The following NXPH1 variants were observed in gnomAD, a reference collection of about 807,000 sequenced individuals.
The protein encoded by NXPH1 is neurexophilin-1.
NXPH1 carries 5 observed loss-of-function variants against 23.7 expected under a neutral mutation model. The ratio of observed to expected loss-of-function variants is 0.21; its 90% CI spans 0.11 to 0.44. NXPH1 has a LOEUF of 0.44. Ranked by LOEUF, NXPH1 falls within the 20% of genes least tolerant of loss-of-function variation. The pLI is 0.99. For synonymous variants in NXPH1, 144 were observed against 122.2 expected, an observed-to-expected ratio of 1.18 and a Z score of -1.18; for missense variants, 324 against 321.6, an observed-to-expected ratio of 1.01 and a Z score of -0.06.
intron 2 of NXPH1, among the ~76,000 whole-genome samples, chr7:8,574,615 T>C (rs1419631313): frequency 1.3e-5 from 2 of 152,184 alleles, no homozygotes; most frequent in Non-Finnish European, 2.9e-5. Context: ...GTTTTCCTGG[T>C]GTCTGCATCA....
At chr7:8,553,163 A>G (rs532224367) in intron 2 of NXPH1, among the ~76,000 whole-genome samples, 12 of 151,686 alleles carry the variant, frequency 7.9e-5, no homozygotes, top group African/African-American at 2.9e-4. Context: ...AAAAGAAAAA[A>G]AGCAGAGCTG....
At chr7:8,681,371 CCAGT>C (rs1376398874) in intron 2 of NXPH1, among the ~76,000 whole-genome samples, 2 of 152,106 alleles carry the variant, frequency 1.3e-5, no homozygotes, top group Non-Finnish European at 2.9e-5. Flanking sequence ...GACAATTTAC[CCAGT>C]AATGTGGATT....
At chr7:8,626,188 T>C (rs1011300309) in intron 2 of NXPH1, among the ~76,000 whole-genome samples, 2 of 150,686 alleles carry the variant, frequency 1.3e-5, no homozygotes, top group Non-Finnish European at 3.0e-5. Context: ...GAAAGTCAAT[T>C]CTGAAAAAAA....
At chr7:8,461,600 G>GCAGGAGAATGGCGTGAACC (rs1816695716) in intron 2 of NXPH1, among the ~76,000 whole-genome samples, 1 of 151,740 alleles carries the variant, frequency 6.6e-6, no homozygotes, top group African/African-American at 2.4e-5. Context: ...GGAGGCCGAG[G>GCAGGAGAATGGCGTGAACC]CGGGTGGATC....
rs75139445 is a variant in NXPH1 at position 8,750,840 on chromosome 7, T to C, written c.55-168T>C. ...ACGTAATTATTTAATTCTGAGACTC[T>C]GGGAGAGGGGGCTTAGATCTCTGCT... is the stretch of plus-strand genomic sequence containing the variant. On this transcript the variant is annotated intron_variant, in intron 2 of 2. Transcript: ENST00000405863. Among the ~76,000 whole-genome samples, 1,111 of 152,244 alleles carry C rather than the reference T, an allele frequency of 7.3e-3. 15 individuals are homozygous for C. The highest frequency in any genetic ancestry group is 0.024 in the African/African-American group (1,016 of 41,534).
chr7:8,603,119 T>A (rs1336684627), intron 2 of NXPH1, among the ~76,000 whole-genome samples: 1 of 152,184 alleles, frequency 6.6e-6, no homozygotes, highest in Non-Finnish European at 1.5e-5. Context: ...TCTACCCTTG[T>A]GTCTTTTGCA....
At chr7:8,538,069 TA>T (rs1265374013) in intron 2 of NXPH1, among the ~76,000 whole-genome samples, 1 of 151,908 alleles carries the variant, frequency 6.6e-6, no homozygotes, top group East Asian at 1.9e-4. Context: ...TCAAGTGTAA[TA>T]ATAGTAATGA....
intron 2 of NXPH1, among the ~76,000 whole-genome samples, chr7:8,606,780 G>C (rs191385227): frequency 2.8e-4 from 43 of 152,246 alleles, no homozygotes; most frequent in Non-Finnish European, 4.6e-4. Context: ...TGTGCAGAAT[G>C]ATATTTGTAA....
At chr7:8,588,512 A>T (rs140005292) in intron 2 of NXPH1, among the ~76,000 whole-genome samples, 201 of 152,240 alleles carry the variant, frequency 1.3e-3, no homozygotes, top group African/African-American at 4.5e-3. Flanking sequence ...CTTCTCTTGC[A>T]CAACAGACCA....
intron 2 of NXPH1, among the ~76,000 whole-genome samples, chr7:8,699,801 A>G (rs1213620348): frequency 6.6e-6 from 1 of 152,152 alleles, no homozygotes; most frequent in Non-Finnish European, 1.5e-5. Flanking sequence ...GGCAATCCAC[A>G]ATATCATGGA....
chr7:8,581,456 G>A (rs894610638), intron 2 of NXPH1, among the ~76,000 whole-genome samples: 1 of 152,104 alleles, frequency 6.6e-6, no homozygotes, highest in Non-Finnish European at 1.5e-5. Context: ...AATGGGGGAA[G>A]TGCCACACAG....
chr7:8,728,356 C>T (rs567936296), intron 2 of NXPH1, among the ~76,000 whole-genome samples: 2 of 152,084 alleles, frequency 1.3e-5, no homozygotes, highest in East Asian at 3.9e-4. Flanking sequence ...ATTGCCCTGG[C>T]CAGAACTTCC....
intron 2 of NXPH1, among the ~76,000 whole-genome samples, chr7:8,449,751 T>G (rs1439360575): frequency 6.6e-6 from 1 of 152,218 alleles, no homozygotes; most frequent in East Asian, 1.9e-4. Flanking sequence ...TTGCCTTCCA[T>G]TTCAATTAAG....
chr7:8,497,743 T>G (rs1361685671), intron 2 of NXPH1, among the ~76,000 whole-genome samples: 1 of 152,080 alleles, frequency 6.6e-6, no homozygotes. Flanking sequence ...GTTTAAGTTC[T>G]TTGTAGATTC....
intron 2 of NXPH1, among the ~76,000 whole-genome samples, chr7:8,582,086 G>T (rs139492375): frequency 0.011 from 1,745 of 152,322 alleles, 18 homozygotes; most frequent in South Asian, 0.056. Context: ...ACCAGCACAG[G>T]TGCTGGCTCT....
intron 2 of NXPH1, among the ~76,000 whole-genome samples, chr7:8,669,600 C>T (rs78405451): frequency 0.019 from 2,850 of 152,150 alleles, 45 homozygotes; most frequent in Middle Eastern, 0.048. Flanking sequence ...GAGTACAAGG[C>T]AAAGTCTTGG....
chr7:8,459,640 A>G (rs1816658480), intron 2 of NXPH1, among the ~76,000 whole-genome samples: 1 of 152,176 alleles, frequency 6.6e-6, no homozygotes, highest in Non-Finnish European at 1.5e-5. Context: ...CCAGTCTACT[A>G]AACTTTTCCA....
intron 2 of NXPH1, among the ~76,000 whole-genome samples, chr7:8,655,430 CTCTCTCTCTCTCTCTCTCT>C (rs1167382928): frequency 6.5e-4 from 33 of 51,066 alleles, no homozygotes; most frequent in South Asian, 3.0e-3. Context: ...CTCTCTCTCT[CTCTCTCTCTCTCTCTCTCT>C]ATACACACAC....
chr7:8,564,502 G>T (rs1299115281), intron 2 of NXPH1, among the ~76,000 whole-genome samples: 1 of 151,656 alleles, frequency 6.6e-6, no homozygotes, highest in Non-Finnish European at 1.5e-5. Flanking sequence ...AAGGAAAGTT[G>T]GCAACACCTA....
Sources: gnomAD v4.1 joint callset for allele counts (sites outside exome capture counted in the v4.1 genomes callset) on GRCh38, gnomAD v4.1.1 for gene constraint, MANE v1.5 for transcripts, NCBI Gene and HGNC (gene_info 2026-07-23, HGNC 2026-07-21) for gene names.